GATAD2A: variants seen among roughly 807,000 people sequenced by gnomAD.
GATAD2A encodes GATA zinc finger domain containing 2A.
In GATAD2A, 12 loss-of-function variants were observed where a neutral mutation model predicts 68.5. That is an observed-to-expected ratio of 0.18 (90% CI 0.11 to 0.28). The LOEUF (loss-of-function observed/expected upper bound fraction) is 0.28, where lower values mean the gene tolerates loss of function less well. Ranked by LOEUF, GATAD2A falls within the 10% of genes least tolerant of loss-of-function variation. GATAD2A has a pLI of 1.00. For missense variants in GATAD2A, 755 were observed against 868.5 expected, an observed-to-expected ratio of 0.87 and a Z score of 1.64; for synonymous variants, 410 against 375.3, an observed-to-expected ratio of 1.09 and a Z score of -1.07.
Position 19,498,631 on chromosome 19 carries a change from A to G in GATAD2A, c.1113A>G (p.Pro371=), listed in dbSNP as rs1182463085. 1 of 1,613,382 alleles carries G rather than the reference A, an allele frequency of 6.2e-7. No individual in the cohort carries two copies. Among genetic ancestry groups the G allele is most frequent in the African/African-American group, 1.3e-5 (1 of 75,054 alleles). ...TCCCCCCACCCAAGCCCCCAGCCCC[A>G]GAGATGAACTTCCTGCCCAGCGCCG... ...LEIPPPKPPA[P]EMNFLPSAAN... is the part of the protein sequence containing the mutation. The change falls in exon 8 of 12, where the codon CCA becomes CCG. Residue 371 remains proline (P), a synonymous_variant. Transcript: ENST00000683918.
chr19:19,495,677 G>T, intron 5 of GATAD2A, 77 bp from the exon 6 acceptor site: 11 of 958,420 alleles, frequency 1.1e-5, no homozygotes, highest in Non-Finnish European at 1.7e-5. Context: ...TTTCATAAAA[G>T]CAGCAAAACT....
rs375532321 is a variant in GATAD2A at position 19,446,111 on chromosome 19, G to A, written c.-6-19229G>A. On this transcript the variant is annotated intron_variant, in intron 1 of 11. Coordinates refer to ENST00000683918, the MANE Select transcript of GATAD2A (RefSeq NM_001384528.1). ...TCACTCTACCGTTTTACTTTCCACC[G>A]TTTTCCATGTCACTCTTACCATTTT... 9.9e-4 allele frequency among the ~76,000 whole-genome samples: 150 copies of A among 152,198 alleles called. No homozygotes were observed. In the South Asian group the frequency reaches 0.017, roughly 17 times the overall value.
intron 1 of GATAD2A, 107 bp from the exon 2 acceptor site, chr19:19,465,233 C>A: frequency 1.2e-6 from 1 of 831,332 alleles, no homozygotes; most frequent in Non-Finnish European, 2.0e-6. Flanking sequence ...CTTTTGCCAT[C>A]CTTCCCATAG....
rs1316443470 is a variant in GATAD2A at position 19,508,447 on chromosome 19, A to C, written c.*2973A>C. 1 of 152,184 alleles carries C rather than the reference A, an allele frequency of 6.6e-6. No homozygotes were observed. The highest frequency in any genetic ancestry group is 1.5e-5 in the Non-Finnish European group (1 of 68,052). The allele number at this position is 152,184 out of a possible 1,614,324, so 9.4% of individuals were successfully genotyped here. A position where few individuals can be genotyped will look rare whatever the true frequency, so the allele number is the denominator to read the frequency against. ...TACTCCACGGACCTCGGTGAAGCAA[A>C]AGCTTCAGGGCAGAGGGAATGAGGC... On this transcript the variant is annotated 3_prime_UTR_variant, in exon 12 of 12. Transcript: ENST00000683918.
Position 19,499,182 on chromosome 19 carries a change from G to C in GATAD2A, c.1204+460G>C, listed in dbSNP as rs1476955977. On this transcript the variant is annotated intron_variant, in intron 8 of 11. Transcript: ENST00000683918. ...CGCATGATCACCCTCTTCAGGCAGC[G>C]TGGGAGTGCACTGTGTCCTGGGGGA... Among the ~76,000 whole-genome samples, 3 of 152,132 alleles carry C rather than the reference G, an allele frequency of 2.0e-5. No homozygotes were observed. The East Asian group carries it at 5.8e-4, about 29-fold the overall frequency.
In GATAD2A at chr19:19,498,432, G is replaced by C; in HGVS notation, c.925-11G>C. 6.3e-7 allele frequency: 1 copy of C among 1,595,242 alleles called. No individual in the cohort carries two copies. Among genetic ancestry groups the C allele is most frequent in the Non-Finnish European group, 8.6e-7 (1 of 1,165,796 alleles). On this transcript the variant is annotated splice_polypyrimidine_tract_variant and intron_variant, in intron 7 of 11. Transcript: ENST00000683918. ...CACGGAGCGCCCTGACTGAGTTTTT[G>C]TCTCCCAAAGCCCACCCCAGCATCA...
chr19:19,455,868 T>C (rs1178928650), intron 1 of GATAD2A, among the ~76,000 whole-genome samples: 1 of 152,098 alleles, frequency 6.6e-6, no homozygotes, highest in Admixed American at 6.6e-5. Flanking sequence ...AAAAGTTTAC[T>C]GGCCAGGCGT....
chr19:19,499,370 C>G (rs2148471089), intron 8 of GATAD2A, among the ~76,000 whole-genome samples: 1 of 152,254 alleles, frequency 6.6e-6, no homozygotes, highest in East Asian at 1.9e-4. Context: ...ACGAGTAGGC[C>G]AGGAGGCTGA....
chr19:19,460,373 CA>C, intron 1 of GATAD2A, among the ~76,000 whole-genome samples: 1 of 152,334 alleles, frequency 6.6e-6, no homozygotes, highest in Middle Eastern at 3.4e-3. Context: ...TGTGTGCCTA[CA>C]GGGTCCTTGT....
In GATAD2A at chr19:19,410,554, G is replaced by C. The variant is rs543695382; in HGVS notation, c.-7+4535G>C. On this transcript the variant is annotated intron_variant, in intron 1 of 11. Transcript: ENST00000683918. ...CTGGCGCTGCGTGGCCTGCCTTGCC[G>C]GTTAGATATTCTGGTTTGAACCTTG... Among the ~76,000 whole-genome samples, 4 of 152,340 alleles carry C rather than the reference G, an allele frequency of 2.6e-5. No homozygotes were observed. The East Asian group carries it at 7.7e-4, about 29-fold the overall frequency.
At chr19:19,483,657 C>A (rs1404056151) in intron 2 of GATAD2A, among the ~76,000 whole-genome samples, 2 of 151,894 alleles carry the variant, frequency 1.3e-5, no homozygotes, top group East Asian at 1.9e-4. Flanking sequence ...GTCTGTCATC[C>A]AGCATGGAGT....
chr19:19,449,932 A>C (rs983893745), intron 1 of GATAD2A, among the ~76,000 whole-genome samples: 5 of 150,228 alleles, frequency 3.3e-5, no homozygotes, highest in African/African-American at 1.2e-4. Flanking sequence ...TACTTCCTTC[A>C]TTGTTTTATT....
chr19:19,501,341 G>T lies in GATAD2A; in HGVS notation c.1428G>T (p.Arg476=), dbSNP rs550607905. ...AGCAGGAACAGGAGATTGAGCAGCG[G>T]CTCCTGCAGCAGGGCACGGCCCCTG... ...ALQQEQEIEQ[R]LLQQGTAPAQ... is the part of the protein sequence containing the mutation. Residue 476 remains arginine (R), a synonymous_variant, in exon 9 of 12, where the codon CGG becomes CGT. Transcript: ENST00000683918. The T allele has an allele frequency of 2.5e-6, 4 of 1,612,372 alleles. No homozygotes were observed. The highest frequency in any genetic ancestry group is 3.3e-5 in the Admixed American group (2 of 59,970).
At chr19:19,393,677 G>T (rs1283538702) in intron 1 of GATAD2A, among the ~76,000 whole-genome samples, 1 of 152,086 alleles carries the variant, frequency 6.6e-6, no homozygotes, top group African/African-American at 2.4e-5. Flanking sequence ...GCTTCAGGTG[G>T]GGTTTCTTGG....
intron 1 of GATAD2A, among the ~76,000 whole-genome samples, chr19:19,444,420 TCTC>T (rs1480599650): frequency 1.3e-5 from 2 of 152,138 alleles, no homozygotes; most frequent in Non-Finnish European, 2.9e-5. Context: ...ACTCCAGTGT[TCTC>T]CTTGGGGCTC....
At chr19:19,466,142 G>T (rs2057847967) in intron 2 of GATAD2A, among the ~76,000 whole-genome samples, 1 of 152,178 alleles carries the variant, frequency 6.6e-6, no homozygotes, top group Non-Finnish European at 1.5e-5. Flanking sequence ...CTGTTGGTTT[G>T]TCCTTAGTCA....
At chr19:19,418,498 C>T (rs2051930807) in intron 1 of GATAD2A, among the ~76,000 whole-genome samples, 1 of 152,188 alleles carries the variant, frequency 6.6e-6, no homozygotes, top group Non-Finnish European at 1.5e-5. Context: ...TTGACTTAGC[C>T]TGAGAAAGAT....
At chr19:19,424,592 C>T (rs1470917252) in intron 1 of GATAD2A, among the ~76,000 whole-genome samples, 1 of 151,012 alleles carries the variant, frequency 6.6e-6, no homozygotes, top group Non-Finnish European at 1.5e-5. Flanking sequence ...AGGCTGGTCT[C>T]GAACTCCTGG....
rs1187664927 is a variant in GATAD2A at position 19,492,301 on chromosome 19, C to T, written c.270-5C>T. 4 of 1,599,374 alleles carry T rather than the reference C, an allele frequency of 2.5e-6. No individual in the cohort carries two copies. Among genetic ancestry groups the T allele is most frequent in the Non-Finnish European group, 2.6e-6 (3 of 1,173,104 alleles). The stretch of plus-strand genomic sequence containing the variant: ...GCTCTGGTCACTACTGTCTCCACCC[C>T]ACAGTGACATGAAGTCCGAGAGGAG... On this transcript the variant is annotated splice_region_variant and splice_polypyrimidine_tract_variant and intron_variant, in intron 2 of 11. Transcript: ENST00000683918.
Sources: gnomAD v4.1 joint callset for allele counts (sites outside exome capture counted in the v4.1 genomes callset) on GRCh38, gnomAD v4.1.1 for gene constraint, MANE v1.5 for transcripts, NCBI Gene and HGNC (gene_info 2026-07-23, HGNC 2026-07-21) for gene names.